Variants in PUM1 observed in about 807,000 individuals in gnomAD.
PUM1 encodes pumilio homolog 1.
Under a neutral mutation model 131.8 loss-of-function variants are expected in PUM1, and 13 were observed. The ratio of observed to expected loss-of-function variants is 0.10; its 90% CI spans 0.06 to 0.16. PUM1 has a LOEUF of 0.16. PUM1 is among the 10% of genes least tolerant of loss of function. PUM1 has a pLI of 1.00. For synonymous variants in PUM1, 509 were observed against 556.5 expected (o/e 0.91, Z 1.20); for missense variants, 961 against 1,512.4 (o/e 0.64, Z 6.05).
chr1:31,018,623 A>T (rs1014274772), intron 3 of PUM1, among the ~76,000 whole-genome samples: 19 of 152,182 alleles, frequency 1.2e-4, no homozygotes, highest in Non-Finnish European at 2.4e-4. Flanking sequence ...ATGGCACCGT[A>T]ATCCAGCCTG....
At position 30,964,686 on chromosome 1, in the gene PUM1, T is replaced by C. The variant is rs781445468; in HGVS notation, c.2311A>G (p.Ser771Gly). Residue 771 changes from serine (S) to glycine (G), a missense_variant, in exon 14 of 22, where the codon AGC (serine) becomes GGC (glycine). Transcript: ENST00000426105. ...PSLSSHGSSS[S>G]LNLGGLTNGS... ...TAATGGTTCTTACCCAGGTTTAAGC[T>C]TGAAGAGGATCCATGTGAAGAGAGG... 6.2e-7 allele frequency: 1 copy of C among 1,612,194 alleles called. No individual in the cohort carries two copies. The highest frequency in any genetic ancestry group is 1.1e-5 in the South Asian group (1 of 91,026).
intron 2 of PUM1, among the ~76,000 whole-genome samples, chr1:31,049,120 A>ACTTGAGGTCAGGAGTTCGAGACCAG (rs1215319963): frequency 2.8e-4 from 43 of 152,066 alleles, no homozygotes; most frequent in Middle Eastern, 3.4e-3. Flanking sequence ...CAGGAGAATC[A>ACTTGAGGTCAGGAGTTCGAGACCAG]CCTGAACCTG....
intron 2 of PUM1, among the ~76,000 whole-genome samples, chr1:31,048,275 AG>A (rs1455272798): frequency 1.3e-5 from 2 of 151,558 alleles, no homozygotes; most frequent in African/African-American, 2.4e-5. Flanking sequence ...AATAAAAAAA[AG>A]AAATAAAAAA....
At chr1:30,965,959 G>GAGC (rs1236302045) in intron 13 of PUM1, 23 bp downstream of exon 13, 8 of 1,594,782 alleles carry the variant, frequency 5.0e-6, no homozygotes, top group Non-Finnish European at 6.8e-6. Context: ...TCAGTCTTAA[G>GAGC]AGCATATCAG....
intron 3 of PUM1, among the ~76,000 whole-genome samples, chr1:31,019,641 A>C (rs1642948807): frequency 6.6e-6 from 1 of 152,212 alleles, no homozygotes; most frequent in Non-Finnish European, 1.5e-5. Flanking sequence ...ACAGGCTCCC[A>C]TACACGTGCC....
At chr1:31,043,105 A>C (rs1643871129) in intron 2 of PUM1, among the ~76,000 whole-genome samples, 1 of 152,146 alleles carries the variant, frequency 6.6e-6, no homozygotes, top group Admixed American at 6.6e-5. Flanking sequence ...ATTGTTTTGT[A>C]TTTTACAAGG....
At chr1:30,958,848 A>G (rs966089461) in intron 14 of PUM1, among the ~76,000 whole-genome samples, 1 of 152,238 alleles carries the variant, frequency 6.6e-6, no homozygotes, top group Non-Finnish European at 1.5e-5. Flanking sequence ...CATGTAACAC[A>G]TAAGTCAAAC....
intron 3 of PUM1, among the ~76,000 whole-genome samples, chr1:31,019,905 C>T (rs145178954): frequency 6.6e-6 from 1 of 151,174 alleles, no homozygotes; most frequent in Non-Finnish European, 1.5e-5. Flanking sequence ...ATAAACTACA[C>T]AAGGTTTTTT....
At chr1:30,941,389 G>A (rs749895264) in intron 19 of PUM1, 117 bp from the exon 20 acceptor site, 33 of 1,028,682 alleles carry the variant, frequency 3.2e-5, no homozygotes, top group Non-Finnish European at 4.5e-5. Context: ...CGGTTTATAT[G>A]AATACTAATG....
chr1:31,047,458 A>C (rs1423885693), intron 2 of PUM1, among the ~76,000 whole-genome samples: 1 of 152,232 alleles, frequency 6.6e-6, no homozygotes, highest in East Asian at 1.9e-4. Context: ...AAGTCCTTTC[A>C]CAAGAGTGAA....
At chr1:31,016,906 G>C (rs1642839420) in intron 3 of PUM1, among the ~76,000 whole-genome samples, 1 of 152,046 alleles carries the variant, frequency 6.6e-6, no homozygotes, top group Non-Finnish European at 1.5e-5. Context: ...GTTTTCCCAG[G>C]TTATTAAGCA....
chr1:31,027,200 T>C (rs1175440968), intron 3 of PUM1, among the ~76,000 whole-genome samples: 2 of 152,016 alleles, frequency 1.3e-5, no homozygotes, highest in Non-Finnish European at 2.9e-5. Flanking sequence ...TCTCAACACT[T>C]TGGGAGGCCA....
chr1:30,958,860 A>G (rs569705826), intron 14 of PUM1, among the ~76,000 whole-genome samples: 2 of 152,360 alleles, frequency 1.3e-5, no homozygotes, highest in African/African-American at 4.8e-5. Context: ...AAGTCAAACA[A>G]AATAAATACT....
At chr1:30,970,198 T>TA (rs1273550860) in intron 10 of PUM1, among the ~76,000 whole-genome samples, 3 of 152,252 alleles carry the variant, frequency 2.0e-5, no homozygotes, top group Non-Finnish European at 4.4e-5. Context: ...TTATAAAAGT[T>TA]AGACATATGG....
chr1:31,047,515 G>C (rs1318739793), intron 2 of PUM1, among the ~76,000 whole-genome samples: 1 of 152,216 alleles, frequency 6.6e-6, no homozygotes, highest in Non-Finnish European at 1.5e-5. Flanking sequence ...CACACACCCA[G>C]AAACCTAATT....
chr1:30,946,736 CA>C (rs1639693618), intron 17 of PUM1, among the ~76,000 whole-genome samples: 2 of 150,344 alleles, frequency 1.3e-5, no homozygotes, highest in African/African-American at 2.4e-5. Context: ...AATCATAAGT[CA>C]GGGGCTATTT....
chr1:31,014,323 AT>A (rs35199751), intron 3 of PUM1, among the ~76,000 whole-genome samples: 15,639 of 124,142 alleles, frequency 0.13, 1,097 homozygotes, highest in East Asian at 0.17. Context: ...AAAAAAAAAA[AT>A]CTACATTCAA....
chr1:30,976,041 T>C (rs1641124329), intron 9 of PUM1, among the ~76,000 whole-genome samples: 1 of 150,982 alleles, frequency 6.6e-6, no homozygotes, highest in Admixed American at 6.6e-5. Flanking sequence ...TGAGCCAAGA[T>C]TGTACCACTG....
chr1:30,950,037 A>G, intron 17 of PUM1, 90 bp downstream of exon 17: 3 of 1,440,428 alleles, frequency 2.1e-6, no homozygotes, highest in Non-Finnish European at 1.9e-6. Flanking sequence ...ACCATAAAAG[A>G]AAACTGAAAA....
Sources: gnomAD v4.1 joint callset for allele counts (sites outside exome capture counted in the v4.1 genomes callset) on GRCh38, gnomAD v4.1.1 for gene constraint, MANE v1.5 for transcripts, NCBI Gene and HGNC (gene_info 2026-07-23, HGNC 2026-07-21) for gene names.